GPR157: variants seen among roughly 807,000 people sequenced by gnomAD.
GPR157 encodes the protein G protein-coupled receptor 157.
In GPR157, 16 loss-of-function variants were observed where a neutral mutation model predicts 23.5. The observed-to-expected ratio is 0.68, with a 90% confidence interval of 0.46 to 1.04. The LOEUF (loss-of-function observed/expected upper bound fraction) is 1.04, where lower values mean the gene tolerates loss of function less well. Ranked by LOEUF, GPR157 falls within the 50% of genes least tolerant of loss-of-function variation. GPR157 has a pLI of 0.00. For synonymous variants in GPR157, 200 were observed against 221.5 expected, an observed-to-expected ratio of 0.90 and a Z score of 0.86; for missense variants, 440 against 460.7, an observed-to-expected ratio of 0.96 and a Z score of 0.41.
chr1:9,128,127 T>C lies in GPR157; in HGVS notation c.383+518A>G. The C allele has an allele frequency of 2.8e-6, 1 of 362,368 alleles. No homozygotes were observed. The highest frequency in any genetic ancestry group is 5.5e-6 in the Non-Finnish European group (1 of 181,776). 22.4% of individuals were successfully genotyped at this position (362,368 alleles called of 1,614,324 possible). A position where few individuals can be genotyped will look rare whatever the true frequency, so the allele number is the denominator to read the frequency against. On this transcript the variant is annotated intron_variant, in intron 1 of 3. Transcript: ENST00000377411. This position sits in a 1 kb window ranked among gnomAD's most constrained non-coding sequence, Gnocchi z 6.3. Reference sequence around the variant, plus strand: ...AGGCTAGAAACGACCAAAGACAGAATAAAAAGCACAGTCCTTTGTAAACTG... The same window carrying C: ...AGGCTAGAAACGACCAAAGACAGAACAAAAAGCACAGTCCTTTGTAAACTG...
At position 9,128,918 on chromosome 1, in the gene GPR157, G is replaced by A. The variant is rs1639031445; in HGVS notation, c.110C>T (p.Ala37Val). The change falls in exon 1 of 4, where the codon GCC (alanine) becomes GTC (valine). Residue 37 changes from alanine to valine, a missense_variant. Ala to Val is a moderately conservative substitution (Grantham distance 64, BLOSUM62 0). Transcript: ENST00000377411. This position sits in a 1 kb window ranked among gnomAD's most constrained non-coding sequence, Gnocchi z 6.3. ...CCGGCTGCGCAGGTCGGGCCACAGG[G>A]CGTGCGTGGCCACCAGCAGGCCCGA... ...LGSGLLVATH[A>V]LWPDLRSRAR... The A allele has an allele frequency of 6.5e-7, 1 of 1,540,376 alleles. No individual in the cohort carries two copies. The highest frequency in any genetic ancestry group is 1.4e-5 in the African/African-American group (1 of 72,886).
rs967128143 is a variant in GPR157 at position 9,104,575 on chromosome 1, G to A, written c.852C>T (p.Arg284=). The part of the protein sequence containing the change: ...ANCIMFVLCT[R]AVRTRLFSLC... ...GAGAGAAGAGCCGAGTTCGGACGGC[G>A]CGGGTGCAGAGGACGAACATGATGC... Residue 284 remains arginine, a synonymous_variant, in exon 4 of 4, where the codon CGC becomes CGT. Coordinates refer to ENST00000377411, the MANE Select transcript of GPR157 (RefSeq NM_024980.5). 9.9e-6 allele frequency: 16 copies of A among 1,613,618 alleles called. No individual in the cohort carries two copies. Among genetic ancestry groups the A allele is most frequent in the Admixed American group, 3.3e-5 (2 of 59,948 alleles).
chr1:9,122,526 T>C (rs1175803866), intron 1 of GPR157, among the ~76,000 whole-genome samples: 1 of 152,172 alleles, frequency 6.6e-6, no homozygotes, highest in East Asian at 1.9e-4. Context: ...AGATATCACC[T>C]TAGCCCAGTG....
chr1:9,115,062 A>G (rs1382902686), intron 1 of GPR157, among the ~76,000 whole-genome samples: 1 of 152,130 alleles, frequency 6.6e-6, no homozygotes, highest in Non-Finnish European at 1.5e-5. Context: ...GGTAAGAGGT[A>G]GAATCAGGGA....
chr1:9,105,443 C>T lies in GPR157; in HGVS notation c.792+43G>A. ...GCGGGAAGGAATCAGGCTGTGCCTCCTCTGGGGGCAGGGACGACAAGGGCC... is the reference window on the plus strand; with the variant it reads ...GCGGGAAGGAATCAGGCTGTGCCTCTTCTGGGGGCAGGGACGACAAGGGCC... On this transcript the variant is annotated intron_variant, in intron 3 of 3. Transcript: ENST00000377411. The surrounding 1 kb of genome is among the most constrained non-coding windows in gnomAD (Gnocchi z 4.8). 6.7e-7 allele frequency: 1 copy of T among 1,493,812 alleles called. No homozygotes were observed. Among genetic ancestry groups the T allele is most frequent in the Non-Finnish European group, 9.0e-7 (1 of 1,110,708 alleles). The allele number at this position is 1,493,812 out of a possible 1,614,324, so 92.5% of individuals were successfully genotyped here.
In GPR157 at chr1:9,105,469, A is replaced by T; in HGVS notation, c.792+17T>A. Reference sequence around the variant, plus strand: ...TCTGGGGGCAGGGACGACAAGGGCCAGGGAGGGCAGACCTACATGCAGAAC... The same window carrying T: ...TCTGGGGGCAGGGACGACAAGGGCCTGGGAGGGCAGACCTACATGCAGAAC... On this transcript the variant is annotated intron_variant, in intron 3 of 3. Coordinates refer to ENST00000377411, the MANE Select transcript of GPR157 (RefSeq NM_024980.5). The surrounding 1 kb of genome is among the most constrained non-coding windows in gnomAD (Gnocchi z 4.8). 1 of 1,536,462 alleles carries T rather than the reference A, an allele frequency of 6.5e-7. No homozygotes were observed. The highest frequency in any genetic ancestry group is 8.8e-7 in the Non-Finnish European group (1 of 1,136,356).
rs1224310819 is a variant in GPR157 at position 9,104,090 on chromosome 1, G to A, written c.*329C>T. The A allele has an allele frequency of 6.1e-6, 2 of 327,086 alleles. No homozygotes were observed. The allele number at this position is 327,086 out of a possible 1,614,324, so 20.3% of individuals were successfully genotyped here. A position where few individuals can be genotyped will look rare whatever the true frequency, so the allele number is the denominator to read the frequency against. Reference sequence around the variant, plus strand: ...GGTCCCTCAGATTGTAAACAGTGCTGTGTGGTCCTCAGGACATCAAGGTCC... The same window carrying A: ...GGTCCCTCAGATTGTAAACAGTGCTATGTGGTCCTCAGGACATCAAGGTCC... On this transcript the variant is annotated 3_prime_UTR_variant, in exon 4 of 4. Transcript: ENST00000377411.
At position 9,105,635 on chromosome 1, in the gene GPR157, G is replaced by C. The variant is rs147658040; in HGVS notation, c.643C>G (p.Arg215Gly). The change falls in exon 3 of 4, where the codon CGC (arginine) becomes GGC (glycine). Residue 215 changes from arginine (R) to glycine (G), a missense_variant. By Grantham distance (125) the Arg-to-Gly change is moderately radical (BLOSUM62 -2). Coordinates refer to ENST00000377411, the MANE Select transcript of GPR157 (RefSeq NM_024980.5). The surrounding 1 kb of genome is among the most constrained non-coding windows in gnomAD (Gnocchi z 4.8). ...GCCATGGAGGAGTGGCGCAGCAGGC[G>C]GTGCTCCTGGGAGAGGATGGGCCGG... ...EYRPILSQEHRLLRHSSMADK... is the reference protein window; with the variant it reads ...EYRPILSQEHGLLRHSSMADK... The C allele has an allele frequency of 1.9e-6, 3 of 1,613,010 alleles. No homozygotes were observed. In the East Asian group the frequency reaches 6.7e-5, roughly 36 times the overall value.
At chr1:9,122,020 G>C (rs928100247) in intron 1 of GPR157, among the ~76,000 whole-genome samples, 31 of 152,198 alleles carry the variant, frequency 2.0e-4, no homozygotes, top group African/African-American at 7.2e-4. Flanking sequence ...TGGCCCCATG[G>C]AGGTCCTGGT....
At chr1:9,124,542 G>T (rs1017542301) in intron 1 of GPR157, among the ~76,000 whole-genome samples, 3 of 152,146 alleles carry the variant, frequency 2.0e-5, no homozygotes, top group African/African-American at 7.2e-5. Context: ...CGGACTCATG[G>T]GGTGTGCCTG....
At chr1:9,112,483 C>T (rs1018802302) in intron 1 of GPR157, among the ~76,000 whole-genome samples, 2 of 152,186 alleles carry the variant, frequency 1.3e-5, no homozygotes, top group Non-Finnish European at 2.9e-5. Context: ...GACGGAGTCT[C>T]GCTCTGTCAC....
chr1:9,105,000 C>A (rs1316044252), intron 3 of GPR157, among the ~76,000 whole-genome samples: 1 of 118,706 alleles, frequency 8.4e-6, no homozygotes, highest in African/African-American at 3.1e-5. Flanking sequence ...ACTCTGTCCC[C>A]GCACCCCCCC....
chr1:9,106,262 G>A (rs1171408272), intron 2 of GPR157, among the ~76,000 whole-genome samples: 2 of 152,048 alleles, frequency 1.3e-5, no homozygotes, highest in African/African-American at 2.4e-5. Context: ...CACTGCCCCC[G>A]TGTCCAGGCC....
At chr1:9,125,996 G>T (rs1638955784) in intron 1 of GPR157, among the ~76,000 whole-genome samples, 1 of 144,656 alleles carries the variant, frequency 6.9e-6, no homozygotes, top group Admixed American at 7.0e-5. Flanking sequence ...ATGGAGACTT[G>T]CTCTATCACC....
In GPR157 at chr1:9,128,474, G is replaced by T; in HGVS notation, c.383+171C>A. 1 of 698,720 alleles carries T rather than the reference G, an allele frequency of 1.4e-6. No individual in the cohort carries two copies. Among genetic ancestry groups the T allele is most frequent in the South Asian group, 1.6e-5 (1 of 61,822 alleles). The allele number at this position is 698,720 out of a possible 1,614,324, so 43.3% of individuals were successfully genotyped here. On this transcript the variant is annotated intron_variant, in intron 1 of 3. Transcript: ENST00000377411. The surrounding 1 kb of genome is among the most constrained non-coding windows in gnomAD (Gnocchi z 6.3). ...GCTCCTTCGGGAGGGAGCGAATCTC[G>T]GGCAAGGCTGGCCTCCTCCCGCTGG...
intron 1 of GPR157, among the ~76,000 whole-genome samples, chr1:9,117,836 C>G (rs776360946): frequency 2.6e-5 from 4 of 152,096 alleles, no homozygotes; most frequent in Non-Finnish European, 5.9e-5. Context: ...TGACATGTAA[C>G]ACCTAACAGT....
intron 1 of GPR157, among the ~76,000 whole-genome samples, chr1:9,126,728 T>C (rs1293385706): frequency 6.6e-6 from 1 of 152,174 alleles, no homozygotes; most frequent in East Asian, 1.9e-4. Flanking sequence ...GTTTAACCAA[T>C]TCCCTTAGAC....
At position 9,105,447 on chromosome 1, in the gene GPR157, G is replaced by C. The variant is rs1235256771; in HGVS notation, c.792+39C>G. ...GAAGGAATCAGGCTGTGCCTCCTCT[G>C]GGGGCAGGGACGACAAGGGCCAGGG... On this transcript the variant is annotated intron_variant, in intron 3 of 3. Transcript: ENST00000377411. The surrounding 1 kb of genome is among the most constrained non-coding windows in gnomAD (Gnocchi z 4.8). The C allele has an allele frequency of 6.0e-6, 9 of 1,498,010 alleles. No individual in the cohort carries two copies. The highest frequency in any genetic ancestry group is 6.3e-6 in the Non-Finnish European group (7 of 1,113,006). 92.8% of individuals were successfully genotyped at this position (1,498,010 alleles called of 1,614,324 possible).
At chr1:9,112,780 C>A (rs980885526) in intron 1 of GPR157, among the ~76,000 whole-genome samples, 1 of 152,152 alleles carries the variant, frequency 6.6e-6, no homozygotes, top group African/African-American at 2.4e-5. Flanking sequence ...AGCGCTCTCC[C>A]ACAGCCAGCC....
Sources: allele counts gnomAD v4.1 joint callset (sites outside exome capture counted in the v4.1 genomes callset), GRCh38; gene constraint gnomAD v4.1.1; non-coding constraint Gnocchi (gnomAD v3.1); transcripts MANE v1.5; gene names NCBI Gene and HGNC (gene_info 2026-07-23, HGNC 2026-07-21).